PACRG: variants seen among roughly 807,000 people sequenced by gnomAD.
PACRG encodes parkin coregulated gene protein.
In PACRG, 29 loss-of-function variants were observed where a neutral mutation model predicts 29.7. The observed-to-expected ratio is 0.98, with a 90% CI of 0.73 to 1.33. The LOEUF (loss-of-function observed/expected upper bound fraction) is 1.33, where lower values mean the gene tolerates loss of function less well. PACRG is among the 40% of genes most tolerant of loss of function. PACRG has a pLI of 0.00. For synonymous variants in PACRG, 116 were observed against 118.7 expected, an observed-to-expected ratio of 0.98 and a Z score of 0.15; for missense variants, 279 against 316.2, an observed-to-expected ratio of 0.88 and a Z score of 0.89.
intron 2 of PACRG, among the ~76,000 whole-genome samples, chr6:163,040,987 G>A (rs1272053524): frequency 6.6e-6 from 1 of 152,050 alleles, no homozygotes; most frequent in Non-Finnish European, 1.5e-5. Flanking sequence ...GAGGGGCCGG[G>A]GCAGAATAAT....
At chr6:162,815,082 G>T (rs1397833240) in intron 2 of PACRG, among the ~76,000 whole-genome samples, 1 of 152,048 alleles carries the variant, frequency 6.6e-6, no homozygotes, top group Non-Finnish European at 1.5e-5. Flanking sequence ...CTTTGCTTTT[G>T]GTGATATTTA....
chr6:163,314,770 A>G (rs1052958000), intron 4 of PACRG, 57 bp from the exon 5 acceptor site: 20 of 1,582,528 alleles, frequency 1.3e-5, no homozygotes, highest in Non-Finnish European at 1.5e-5. Context: ...ACTGTGTAGG[A>G]CTTTTCGGGA....
chr6:162,977,779 G>A (rs1802078286), intron 2 of PACRG, among the ~76,000 whole-genome samples: 1 of 152,056 alleles, frequency 6.6e-6, no homozygotes, highest in Admixed American at 6.6e-5. Flanking sequence ...CTCAGTATCT[G>A]CTTATTTTTA....
intron 2 of PACRG, among the ~76,000 whole-genome samples, chr6:162,864,718 C>T (rs1792148258): frequency 6.6e-6 from 1 of 152,098 alleles, no homozygotes; most frequent in Admixed American, 6.5e-5. Flanking sequence ...CATTTAACTC[C>T]AAGAATACTT....
intron 2 of PACRG, among the ~76,000 whole-genome samples, chr6:162,841,531 C>G (rs1789768299): frequency 6.6e-6 from 1 of 151,902 alleles, no homozygotes; most frequent in Non-Finnish European, 1.5e-5. Flanking sequence ...TTTTGTTGAA[C>G]CTTTCAAAAA....
At chr6:163,276,416 G>A (rs956020843) in intron 4 of PACRG, among the ~76,000 whole-genome samples, 27 of 152,188 alleles carry the variant, frequency 1.8e-4, no homozygotes, top group Admixed American at 1.2e-3. Context: ...CACTAGGTTC[G>A]AAGTGACCAT....
intron 3 of PACRG, among the ~76,000 whole-genome samples, chr6:163,082,151 CAAAT>C (rs1562897261): frequency 6.6e-6 from 1 of 152,014 alleles, no homozygotes; most frequent in African/African-American, 2.4e-5. Context: ...TAATTTTACA[CAAAT>C]AACAACAAAA....
At chr6:163,301,861 A>G (rs963967448) in intron 4 of PACRG, among the ~76,000 whole-genome samples, 2 of 152,224 alleles carry the variant, frequency 1.3e-5, no homozygotes, top group African/African-American at 4.8e-5. Flanking sequence ...CTGTCCTTAC[A>G]GATGGATATT....
intron 4 of PACRG, among the ~76,000 whole-genome samples, chr6:163,113,707 A>G (rs1247688139): frequency 6.6e-6 from 1 of 152,218 alleles, no homozygotes; most frequent in Non-Finnish European, 1.5e-5. Flanking sequence ...CCAGGTAAGC[A>G]AAAGCCAAGG....
chr6:162,788,888 A>G lies in PACRG; in HGVS notation c.157-25259A>G, dbSNP rs551850636. ...ATTTTGAGTTTGAAGAGTTGTTTTT[A>G]TATTAGAATAACAGGCTTTTATTAT... On this transcript the variant is annotated intron_variant, in intron 1 of 4. Coordinates refer to ENST00000366888, the MANE Select transcript of PACRG (RefSeq NM_001080379.2). 8.5e-5 allele frequency among the ~76,000 whole-genome samples: 13 copies of G among 152,210 alleles called. No homozygotes were observed. In the South Asian group the frequency reaches 1.7e-3, roughly 19 times the overall value.
intron 4 of PACRG, among the ~76,000 whole-genome samples, chr6:163,306,757 A>G (rs1585416618): frequency 6.6e-6 from 1 of 152,220 alleles, no homozygotes; most frequent in South Asian, 2.1e-4. Context: ...GAAGAATTAC[A>G]TAGTTGCTTT....
chr6:163,207,838 A>C lies in PACRG; in HGVS notation c.614-106989A>C, dbSNP rs144537674. 2.4e-3 allele frequency among the ~76,000 whole-genome samples: 365 copies of C among 152,356 alleles called. 3 individuals are homozygous for C. The highest frequency in any genetic ancestry group is 8.5e-3 in the African/African-American group (352 of 41,590). On this transcript the variant is annotated intron_variant, in intron 4 of 4. Coordinates refer to ENST00000366888, the MANE Select transcript of PACRG (RefSeq NM_001080379.2). ...AATCCATAATCTTATTTTTGCAATA[A>C]AAATATGAATCACTGTTCACAAATA...
At chr6:163,256,788 A>T (rs1783128135) in intron 4 of PACRG, among the ~76,000 whole-genome samples, 1 of 152,160 alleles carries the variant, frequency 6.6e-6, no homozygotes, top group Non-Finnish European at 1.5e-5. Context: ...TGTCCTGGGG[A>T]TGCTGTAACT....
rs1481052980 is a variant in PACRG, at chr6:162,991,787, G to A, written c.292-70363G>A. Among the ~76,000 whole-genome samples, 5 of 129,242 alleles carry A rather than the reference G, an allele frequency of 3.9e-5. 1 individual carries two copies. Among genetic ancestry groups the A allele is most frequent in the African/African-American group, 1.1e-4 (3 of 26,248 alleles). The allele number at this position is 129,242 out of a possible 152,430, so 84.8% of individuals were successfully genotyped here. On this transcript the variant is annotated intron_variant, in intron 2 of 4. Coordinates refer to ENST00000366888, the MANE Select transcript of PACRG (RefSeq NM_001080379.2). ...ACTTCCAACACTATGTTGAATAGGC[G>A]TGGTGAGAGAGGGCATCCCTGTCTT... is the stretch of plus-strand genomic sequence containing the variant.
At chr6:163,159,119 C>G (rs944764270) in intron 4 of PACRG, among the ~76,000 whole-genome samples, 8 of 152,102 alleles carry the variant, frequency 5.3e-5, no homozygotes, top group African/African-American at 1.7e-4. Flanking sequence ...GAGAACTTCT[C>G]TGAATCCACA....
intron 4 of PACRG, among the ~76,000 whole-genome samples, chr6:163,267,355 A>G (rs1288975843): frequency 6.6e-6 from 1 of 152,212 alleles, no homozygotes; most frequent in Non-Finnish European, 1.5e-5. Flanking sequence ...AGTGCCTATT[A>G]TTCAGCAGTT....
chr6:163,134,295 A>T (rs1218875786), intron 4 of PACRG, among the ~76,000 whole-genome samples: 1 of 152,094 alleles, frequency 6.6e-6, no homozygotes, highest in Non-Finnish European at 1.5e-5. Context: ...TTCTGGTTCA[A>T]ACGAAAAGTT....
chr6:163,236,007 G>T (rs1202020531), intron 4 of PACRG, among the ~76,000 whole-genome samples: 2 of 151,914 alleles, frequency 1.3e-5, no homozygotes, highest in Non-Finnish European at 2.9e-5. Context: ...TCTTCCAAAG[G>T]TTACTTGTTA....
chr6:162,843,368 C>G (rs1360370688), intron 2 of PACRG, among the ~76,000 whole-genome samples: 3 of 150,676 alleles, frequency 2.0e-5, no homozygotes, highest in Non-Finnish European at 4.4e-5. Flanking sequence ...TTGCTGATAC[C>G]CTTTCTTCTA....
Sources: allele counts gnomAD v4.1 joint callset (sites outside exome capture counted in the v4.1 genomes callset), GRCh38; gene constraint gnomAD v4.1.1; transcripts MANE v1.5; gene names NCBI Gene and HGNC (gene_info 2026-07-23, HGNC 2026-07-21).